The following ZFP91 variants were observed in gnomAD, a reference collection of about 807,000 sequenced individuals.
ZFP91 encodes the protein ZFP91 zinc finger protein, atypical E3 ubiquitin ligase.
ZFP91 carries 7 observed loss-of-function variants against 63.5 expected under a neutral mutation model. The observed-to-expected ratio is 0.11, with a 90% CI of 0.06 to 0.21. The LOEUF (loss-of-function observed/expected upper bound fraction) is 0.21. Among genes scored for constraint, ZFP91 ranks in the 10% least tolerant of loss-of-function variants. The probability of loss-of-function intolerance (pLI) is 1.00; values close to 1 mark genes in which losing one functional copy is unlikely to be tolerated. For synonymous variants in ZFP91, 330 were observed against 272.1 expected (o/e 1.21, Z -2.10); for missense variants, 628 against 736.6 (o/e 0.85, Z 1.71).
intron 2 of ZFP91, among the ~76,000 whole-genome samples, chr11:58,585,305 CTTTAAG>C (rs946644617): frequency 7.9e-5 from 12 of 152,062 alleles, no homozygotes; most frequent in African/African-American, 2.7e-4. Flanking sequence ...GGTCATTTTC[CTTTAAG>C]TTTGAGTGTT....
intron 2 of ZFP91, among the ~76,000 whole-genome samples, chr11:58,598,749 C>CGTGT (rs56110499): frequency 0.021 from 2,562 of 120,864 alleles, 50 homozygotes; most frequent in African/African-American, 0.049. Context: ...CTTTTGTGCA[C>CGTGT]GTGTGTGTGT....
chr11:58,606,027 A>G (rs1347485802), intron 2 of ZFP91, among the ~76,000 whole-genome samples: 1 of 151,942 alleles, frequency 6.6e-6, no homozygotes, highest in South Asian at 2.1e-4. Flanking sequence ...AATTTCAGTT[A>G]TTATACTTCT....
rs563091527 is a variant in ZFP91, at chr11:58,609,863, C to T, written c.404C>T (p.Ser135Phe). The change falls in exon 3 of 11, where the codon TCT (serine) becomes TTT (phenylalanine). Residue 135 changes from serine to phenylalanine, a missense_variant. Physicochemically the swap from Ser to Phe is radical, Grantham distance 155. Transcript: ENST00000316059. The stretch of plus-strand genomic sequence containing the variant: ...GAAGAAAAAGAGGAAGAAGACGATT[C>T]TGCCCTCCCTCAGGAAGTTTCCATT... ...PKEEKEEEDD[S>F]ALPQEVSIAA... 6.2e-7 allele frequency: 1 copy of T among 1,614,176 alleles called. No homozygotes were observed. Among genetic ancestry groups the T allele is most frequent in the East Asian group, 2.2e-5 (1 of 44,878 alleles).
chr11:58,585,892 A>G (rs72921833), intron 2 of ZFP91, among the ~76,000 whole-genome samples: 7,679 of 152,234 alleles, frequency 0.05, 273 homozygotes, highest in Non-Finnish European at 0.073. Flanking sequence ...GCTGCTTTGT[A>G]AATAATTAGG....
At chr11:58,598,806 TA>T (rs1362541422) in intron 2 of ZFP91, among the ~76,000 whole-genome samples, 1 of 150,348 alleles carries the variant, frequency 6.7e-6, no homozygotes, top group Non-Finnish European at 1.5e-5. Flanking sequence ...GAAATTCACA[TA>T]ACAAAAAAAT....
intron 2 of ZFP91, among the ~76,000 whole-genome samples, chr11:58,603,837 A>G (rs1284993995): frequency 6.6e-6 from 1 of 152,002 alleles, no homozygotes; most frequent in East Asian, 1.9e-4. Context: ...TGATATGGAG[A>G]TGTGTAATCT....
At chr11:58,584,700 A>C (rs1357546157) in intron 1 of ZFP91, among the ~76,000 whole-genome samples, 156 bp from the exon 2 acceptor site, 1 of 152,152 alleles carries the variant, frequency 6.6e-6, no homozygotes, top group Non-Finnish European at 1.5e-5. Flanking sequence ...CATATTGGAC[A>C]GTGCAGATAT....
chr11:58,579,704 A>C, intron 1 of ZFP91, 82 bp downstream of exon 1: 1 of 1,298,808 alleles, frequency 7.7e-7, no homozygotes, highest in East Asian at 2.9e-5. Context: ...CGCCTACTCC[A>C]CGTGACATCC....
chr11:58,596,576 CCT>C (rs1280277651), intron 2 of ZFP91, among the ~76,000 whole-genome samples: 1 of 152,120 alleles, frequency 6.6e-6, no homozygotes, highest in African/African-American at 2.4e-5. Flanking sequence ...TCGTCTGGCC[CCT>C]GTTCAAAAGC....
At chr11:58,604,876 G>A (rs1260448937) in intron 2 of ZFP91, among the ~76,000 whole-genome samples, 3 of 152,170 alleles carry the variant, frequency 2.0e-5, no homozygotes, top group African/African-American at 7.2e-5. Context: ...TAGACAGATT[G>A]TAGATTGGTT....
At chr11:58,604,837 G>A (rs1855545942) in intron 2 of ZFP91, among the ~76,000 whole-genome samples, 1 of 152,184 alleles carries the variant, frequency 6.6e-6, no homozygotes, top group Non-Finnish European at 1.5e-5. Context: ...CCAAAAGATT[G>A]GACAACCAGG....
chr11:58,600,340 C>T (rs1855473247), intron 2 of ZFP91, among the ~76,000 whole-genome samples: 2 of 152,088 alleles, frequency 1.3e-5, no homozygotes, highest in South Asian at 4.1e-4. Context: ...TAAAGGTAAT[C>T]ATTTTCTTAA....
rs1255076176 is a variant in ZFP91, at chr11:58,619,353, T to A, written c.*1647T>A. 6.6e-6 allele frequency: 1 copy of A among 152,222 alleles called. No individual in the cohort carries two copies. The highest frequency in any genetic ancestry group is 1.5e-5 in the Non-Finnish European group (1 of 68,082). 9.4% of individuals were successfully genotyped at this position (152,222 alleles called of 1,614,324 possible). A position where few individuals can be genotyped will look rare whatever the true frequency, so the allele number is the denominator to read the frequency against. ...TACCGCCAGAAGCCCCAAATCCTAT[T>A]TTGGCTCATCTTCAGGTAAAGAGTA... On this transcript the variant is annotated 3_prime_UTR_variant, in exon 11 of 11. Transcript: ENST00000316059.
chr11:58,615,159 A>C (rs1855729817), intron 9 of ZFP91, among the ~76,000 whole-genome samples: 1 of 152,188 alleles, frequency 6.6e-6, no homozygotes. Flanking sequence ...CAGTTATTGT[A>C]GGGATGAAAT....
intron 1 of ZFP91, 44 bp downstream of exon 1, chr11:58,579,666 C>G (rs1435597528): frequency 2.0e-6 from 3 of 1,475,590 alleles, no homozygotes; most frequent in Non-Finnish European, 2.7e-6. Context: ...CCCCCTCTGT[C>G]CGTACGCAAC....
chr11:58,601,298 A>C (rs1590621652), intron 2 of ZFP91, among the ~76,000 whole-genome samples: 1 of 152,134 alleles, frequency 6.6e-6, no homozygotes, highest in African/African-American at 2.4e-5. Context: ...AGATATGTTC[A>C]TCTTTTCCAT....
chr11:58,608,005 G>GA (rs1855596485), intron 2 of ZFP91, among the ~76,000 whole-genome samples: 1 of 151,700 alleles, frequency 6.6e-6, no homozygotes, highest in Non-Finnish European at 1.5e-5. Context: ...ACCTACCTTG[G>GA]AAGTAACCAG....
Position 58,618,475 on chromosome 11 carries a change from G to T in ZFP91, c.*769G>T. On this transcript the variant is annotated 3_prime_UTR_variant, in exon 11 of 11. Coordinates refer to ENST00000316059, the MANE Select transcript of ZFP91 (RefSeq NM_053023.5). ...AGACAGGGCTCTGTATCAGTGAGAC[G>T]ATGAGAAAAGTCCCAGGCTAATGGC... 2.7e-6 allele frequency: 1 copy of T among 365,590 alleles called. No individual in the cohort carries two copies. The highest frequency in any genetic ancestry group is 5.3e-6 in the Non-Finnish European group (1 of 188,706). 22.6% of individuals were successfully genotyped at this position (365,590 alleles called of 1,614,324 possible). A position where few individuals can be genotyped will look rare whatever the true frequency, so the allele number is the denominator to read the frequency against.
chr11:58,618,645 C>T lies in ZFP91; in HGVS notation c.*939C>T, dbSNP rs868355847. On this transcript the variant is annotated 3_prime_UTR_variant, in exon 11 of 11. Transcript: ENST00000316059. ...GGAGAGAGAGATTAGATTATTTTGA[C>T]ATGGGATCCCTTCCATAACAGGTAC... The T allele has an allele frequency of 8.8e-6, 4 of 455,974 alleles. No homozygotes were observed. Among genetic ancestry groups the T allele is most frequent in the Middle Eastern group, 3.2e-4 (1 of 3,100 alleles). 28.2% of individuals were successfully genotyped at this position (455,974 alleles called of 1,614,324 possible).
Sources: gnomAD v4.1 joint callset for allele counts (sites outside exome capture counted in the v4.1 genomes callset) on GRCh38, gnomAD v4.1.1 for gene constraint, MANE v1.5 for transcripts, NCBI Gene and HGNC (gene_info 2026-07-23, HGNC 2026-07-21) for gene names.